Variants in PNPT1 observed in about 807,000 individuals in gnomAD.
PNPT1 encodes the protein polyribonucleotide nucleotidyltransferase 1, also known as polyribonucleotide nucleotidyltransferase 1, mitochondrial.
A neutral mutation model predicts 119.5 loss-of-function variants in PNPT1; 53 were observed. That is an observed-to-expected ratio of 0.44 (90% CI 0.36 to 0.56). The LOEUF (loss-of-function observed/expected upper bound fraction) is 0.56. Among genes scored for constraint, PNPT1 ranks in the 20% least tolerant of loss-of-function variants. PNPT1 has a pLI of 0.00. For missense variants in PNPT1, 948 were observed against 938.5 expected (o/e 1.01, Z -0.13); for synonymous variants, 357 against 322.1 (o/e 1.11, Z -1.16).
At chr2:55,682,623 A>G (rs1418935803) in intron 5 of PNPT1, among the ~76,000 whole-genome samples, 1 of 152,064 alleles carries the variant, frequency 6.6e-6, no homozygotes, top group Non-Finnish European at 1.5e-5. Context: ...AAAAAACTTC[A>G]GTGACCGGGT....
At chr2:55,663,394 GATAAC>G (rs1696640689) in intron 13 of PNPT1, among the ~76,000 whole-genome samples, 1 of 152,130 alleles carries the variant, frequency 6.6e-6, no homozygotes, top group South Asian at 2.1e-4. Context: ...GTATCAAAAG[GATAAC>G]ATATGTGCAG....
At chr2:55,667,342 T>C (rs1409995813) in intron 12 of PNPT1, among the ~76,000 whole-genome samples, 1 of 152,054 alleles carries the variant, frequency 6.6e-6, no homozygotes, top group Non-Finnish European at 1.5e-5. Context: ...TGCCTATAAT[T>C]CCAGCACTTT....
intron 10 of PNPT1, 106 bp downstream of exon 10, chr2:55,671,889 G>C (rs1436171741): frequency 1.3e-6 from 1 of 791,180 alleles, no homozygotes; most frequent in African/African-American, 1.8e-5. Context: ...TTCATTTAGA[G>C]ATTTTTAATA....
chr2:55,648,158 AT>A (rs1696059016), intron 18 of PNPT1, among the ~76,000 whole-genome samples: 1 of 152,050 alleles, frequency 6.6e-6, no homozygotes, highest in Non-Finnish European at 1.5e-5. Context: ...CTCCTAGAAA[AT>A]TTCTGTGCAC....
chr2:55,660,294 A>G, intron 14 of PNPT1, 101 bp from the exon 15 acceptor site: 1 of 1,237,280 alleles, frequency 8.1e-7, no homozygotes. Flanking sequence ...CAAAAGAACT[A>G]GGTGTTAATG....
rs368523234 is a variant in PNPT1 at position 55,671,302 on chromosome 2, A to C, written c.976+17T>G. On this transcript the variant is annotated intron_variant, in intron 11 of 27. Coordinates refer to ENST00000447944, the MANE Select transcript of PNPT1 (RefSeq NM_033109.5). ...TGCCCTCAGCAAAAAAATAAAATAA[A>C]ATAAAATAAAATTTACCTTTTAGTT... The C allele has an allele frequency of 1.4e-5, 20 of 1,413,266 alleles. No homozygotes were observed. The highest frequency in any genetic ancestry group is 1.7e-5 in the Non-Finnish European group (18 of 1,046,274). 87.5% of individuals were successfully genotyped at this position (1,413,266 alleles called of 1,614,324 possible).
chr2:55,681,107 C>G lies in PNPT1; in HGVS notation c.454-189G>C, dbSNP rs542346409. Among the ~76,000 whole-genome samples, 12 of 152,314 alleles carry G rather than the reference C, an allele frequency of 7.9e-5. No homozygotes were observed. In the South Asian group the frequency reaches 2.5e-3, roughly 32 times the overall value. On this transcript the variant is annotated intron_variant, in intron 5 of 27. Coordinates refer to ENST00000447944, the MANE Select transcript of PNPT1 (RefSeq NM_033109.5). ...AATTAAACCTCAAAAGCTTCCTCAT[C>G]TTTAAAAGGGAAAAACAGGCCAGGC...
chr2:55,672,096 G>C (rs369703522), intron 9 of PNPT1, 50 bp from the exon 10 acceptor site: 2 of 1,321,520 alleles, frequency 1.5e-6, no homozygotes, highest in Admixed American at 2.2e-5. Context: ...GGAAACAAGA[G>C]GCAGTTTCTA....
chr2:55,656,154 G>A lies in PNPT1; in HGVS notation c.1418C>T (p.Thr473Ile). ...ACCATTTGACTCTAGGACTTCAGAT[G>A]TAACTCTTATGGTGAAAGGAAAATC... is the stretch of plus-strand genomic sequence containing the variant. ...PRDFPFTIRVTSEVLESNGSS... is the reference protein window; with the variant it reads ...PRDFPFTIRVISEVLESNGSS... Residue 473 changes from threonine (T) to isoleucine (I), a missense_variant, in exon 17 of 28, where the codon ACA becomes ATA. By Grantham distance (89) the Thr-to-Ile change is moderately conservative. Coordinates refer to ENST00000447944, the MANE Select transcript of PNPT1 (RefSeq NM_033109.5). 1 of 1,613,346 alleles carries A rather than the reference G, an allele frequency of 6.2e-7. No homozygotes were observed. The highest frequency in any genetic ancestry group is 8.5e-7 in the Non-Finnish European group (1 of 1,179,614).
intron 23 of PNPT1, 140 bp downstream of exon 23, chr2:55,644,497 A>G: frequency 2.0e-6 from 1 of 508,122 alleles, no homozygotes; most frequent in African/African-American, 1.9e-5. Flanking sequence ...CACAGTCAAG[A>G]CACGTCATAT....
intron 22 of PNPT1, 111 bp from the exon 23 acceptor site, chr2:55,644,831 A>G (rs1695935990): frequency 1.8e-6 from 1 of 545,890 alleles, no homozygotes; most frequent in Non-Finnish European, 3.1e-6. Context: ...ACATGTAAAA[A>G]TATTTTACTA....
At chr2:55,662,927 C>T (rs1243889922) in intron 13 of PNPT1, among the ~76,000 whole-genome samples, 1 of 150,078 alleles carries the variant, frequency 6.7e-6, no homozygotes, top group African/African-American at 2.5e-5. Context: ...GTCACCCAGG[C>T]TGGAGTACAG....
intron 11 of PNPT1, 68 bp from the exon 12 acceptor site, chr2:55,668,026 C>T (rs1473420516): frequency 2.2e-6 from 3 of 1,344,064 alleles, no homozygotes; most frequent in African/African-American, 3.0e-5. Context: ...CTCTAAAGTT[C>T]ATAGCATAAT....
chr2:55,634,903 G>C lies in PNPT1; in HGVS notation c.*1334C>G, dbSNP rs1695620167. On this transcript the variant is annotated 3_prime_UTR_variant, in exon 28 of 28. Coordinates refer to ENST00000447944, the MANE Select transcript of PNPT1 (RefSeq NM_033109.5). ...GATTTAAAATTTTTTTTAGAGATAA[G>C]AGTCCTGCTATGTTGCCCAGGCTGG... is the stretch of plus-strand genomic sequence containing the variant. 6.6e-6 allele frequency: 1 copy of C among 151,088 alleles called. No homozygotes were observed. The highest frequency in any genetic ancestry group is 1.5e-5 in the Non-Finnish European group (1 of 67,786). The allele number at this position is 151,088 out of a possible 1,614,324, so 9.4% of individuals were successfully genotyped here. A position where few individuals can be genotyped will look rare whatever the true frequency, so the allele number is the denominator to read the frequency against.
intron 1 of PNPT1, 54 bp from the exon 2 acceptor site, chr2:55,687,759 C>T (rs1443382214): frequency 1.5e-6 from 2 of 1,353,214 alleles, no homozygotes; most frequent in East Asian, 4.9e-5. Flanking sequence ...TGTACAATTC[C>T]TGCTTAGTAT....
chr2:55,687,499 T>C (rs1697450093), intron 2 of PNPT1, 146 bp downstream of exon 2: 5 of 630,592 alleles, frequency 7.9e-6, no homozygotes, highest in Non-Finnish European at 1.3e-5. Flanking sequence ...TCTGGAATGA[T>C]TCTTGCAGTA....
intron 11 of PNPT1, 140 bp from the exon 12 acceptor site, chr2:55,668,098 C>G: frequency 2.9e-6 from 2 of 685,784 alleles, no homozygotes; most frequent in Non-Finnish European, 4.8e-6. Context: ...CTCAGGCAAA[C>G]AAAGTAGATA....
At position 55,636,111 on chromosome 2, in the gene PNPT1, A is replaced by G. The variant is rs1323107643; in HGVS notation, c.*126T>C. The G allele has an allele frequency of 1.7e-6, 1 of 583,772 alleles. No individual in the cohort carries two copies. The highest frequency in any genetic ancestry group is 2.6e-6 in the Non-Finnish European group (1 of 391,474). The allele number at this position is 583,772 out of a possible 1,614,324, so 36.2% of individuals were successfully genotyped here. A position where few individuals can be genotyped will look rare whatever the true frequency, so the allele number is the denominator to read the frequency against. ...GGCACATGTAAATGAGCATTTTAGTACAAATAATTAAAATGTATTTATATT... is the reference window on the plus strand; with the variant it reads ...GGCACATGTAAATGAGCATTTTAGTGCAAATAATTAAAATGTATTTATATT... On this transcript the variant is annotated 3_prime_UTR_variant, in exon 28 of 28. Coordinates refer to ENST00000447944, the MANE Select transcript of PNPT1 (RefSeq NM_033109.5).
chr2:55,677,290 T>G (rs529713165), intron 8 of PNPT1, among the ~76,000 whole-genome samples: 3 of 152,334 alleles, frequency 2.0e-5, no homozygotes, highest in Non-Finnish European at 1.5e-5. Flanking sequence ...ATGCCACATG[T>G]GCAGCAAAGA....
Sources: allele counts gnomAD v4.1 joint callset (sites outside exome capture counted in the v4.1 genomes callset), GRCh38; gene constraint gnomAD v4.1.1; transcripts MANE v1.5; gene names NCBI Gene and HGNC (gene_info 2026-07-23, HGNC 2026-07-21).